Variants in ANXA8 observed in about 807,000 individuals in gnomAD.
ANXA8 encodes the protein annexin A8.
A neutral mutation model predicts 26.8 loss-of-function variants in ANXA8; 9 were observed. That is an observed-to-expected ratio of 0.34 (90% CI 0.20 to 0.59). ANXA8 has a LOEUF of 0.59. Ranked by LOEUF, ANXA8 falls within the 20% of genes least tolerant of loss-of-function variation. The pLI is 0.84. For missense variants in ANXA8, 83 were observed against 238.5 expected (o/e 0.35, Z 4.29); for synonymous variants, 39 against 94.8 (o/e 0.41, Z 3.42).
At chr10:47,771,926 GTAAATCTGAC>G in the ANXA8 span, among the ~76,000 whole-genome samples, 3 of 151,330 alleles carry the variant, frequency 2.0e-5, no homozygotes, top group East Asian at 1.9e-4. Context: ...ACAATTTACA[GTAAATCTGAC>G]TAAATCTGAC....
At chr10:47,714,684 C>T in the ANXA8 span, among the ~76,000 whole-genome samples, 1 of 16,696 alleles carries the variant, frequency 6.0e-5, no homozygotes, top group African/African-American at 2.8e-4. Context: ...GGAGACCATC[C>T]TGGCTAACAC....
chr10:47,768,904 C>A, the ANXA8 span, among the ~76,000 whole-genome samples: 2 of 149,088 alleles, frequency 1.3e-5, no homozygotes, highest in Non-Finnish European at 3.0e-5. Context: ...ACTGGTAGTG[C>A]GAGTGTGGCT....
chr10:47,521,988 T>C, the ANXA8 span, among the ~76,000 whole-genome samples: 3 of 151,006 alleles, frequency 2.0e-5, no homozygotes, highest in Admixed American at 6.6e-5. Context: ...CGTTTCACCA[T>C]GTTGGCCAGG....
At position 47,468,787 on chromosome 10, in the gene ANXA8, G is replaced by A. The variant is rs1839191948; in HGVS notation, c.*60C>T. The A allele has an allele frequency of 2.5e-6, 4 of 1,597,544 alleles. No homozygotes were observed. Among genetic ancestry groups the A allele is most frequent in the East Asian group, 2.3e-5 (1 of 43,714 alleles). On this transcript the variant is annotated 3_prime_UTR_variant, in exon 12 of 12. Transcript: ENST00000585281. The stretch of plus-strand genomic sequence containing the variant: ...CACCCAACCTGCGTCCATGGCCGAG[G>A]TTGAGTGAGGAGTCCTGGAGACTCT...
At chr10:47,730,961 G>T in the ANXA8 span, among the ~76,000 whole-genome samples, 3 of 149,776 alleles carry the variant, frequency 2.0e-5, no homozygotes, top group African/African-American at 7.4e-5. Context: ...TGAAGGAAAT[G>T]AGATCATGTT....
At chr10:47,574,078 G>A in the ANXA8 span, among the ~76,000 whole-genome samples, 3 of 76,084 alleles carry the variant, frequency 3.9e-5, no homozygotes, top group African/African-American at 4.4e-5. Flanking sequence ...ATTATTTTAT[G>A]GGGGGACATA....
the ANXA8 span, among the ~76,000 whole-genome samples, chr10:47,660,134 A>C: frequency 6.8e-6 from 1 of 146,928 alleles, no homozygotes; most frequent in Non-Finnish European, 1.5e-5. Flanking sequence ...TATGAGGCTA[A>C]AGTGAGTAAT....
chr10:47,674,681 T>A, the ANXA8 span, among the ~76,000 whole-genome samples: 2 of 151,840 alleles, frequency 1.3e-5, no homozygotes, highest in Non-Finnish European at 2.9e-5. Context: ...TTATTTAGAT[T>A]TCTTCTGCAT....
the ANXA8 span, chr10:47,590,430 G>C: frequency 4.1e-5 from 6 of 146,892 alleles, no homozygotes; most frequent in Non-Finnish European, 8.8e-5. Flanking sequence ...TTTAGCCCAT[G>C]AGTGGTCCCT....
At chr10:47,548,287 G>A in the ANXA8 span, among the ~76,000 whole-genome samples, 1 of 146,492 alleles carries the variant, frequency 6.8e-6, no homozygotes, top group Admixed American at 6.8e-5. Context: ...AATCAATATG[G>A]CTTATTTTTT....
At chr10:47,733,259 CTTTCTTTCTT>C in the ANXA8 span, among the ~76,000 whole-genome samples, 1 of 99,396 alleles carries the variant, frequency 1.0e-5, no homozygotes, top group African/African-American at 4.0e-5. Flanking sequence ...TTCTTTCTTT[CTTTCTTTCTT>C]TCTTTCTTTC....
At chr10:47,639,769 A>G in the ANXA8 span, among the ~76,000 whole-genome samples, 5 of 148,162 alleles carry the variant, frequency 3.4e-5, no homozygotes, top group East Asian at 6.1e-4. Flanking sequence ...TGAATTGGAT[A>G]ATAAGTCCTT....
At chr10:47,687,358 G>A in the ANXA8 span, among the ~76,000 whole-genome samples, 7 of 151,092 alleles carry the variant, frequency 4.6e-5, 1 homozygote, top group Non-Finnish European at 1.0e-4. Context: ...GCAACCTCCT[G>A]GGTTCAAGCG....
At chr10:47,733,219 T>TCTC in the ANXA8 span, among the ~76,000 whole-genome samples, 3 of 68,104 alleles carry the variant, frequency 4.4e-5, no homozygotes, top group Admixed American at 5.0e-4. Flanking sequence ...CTTTCTTTCT[T>TCTC]TCTCTTTCTT....
At chr10:47,702,834 A>G in the ANXA8 span, among the ~76,000 whole-genome samples, 1 of 150,600 alleles carries the variant, frequency 6.6e-6, no homozygotes, top group Non-Finnish European at 1.5e-5. Flanking sequence ...GGATTTCACC[A>G]TGTTGCTCTG....
chr10:47,948,056 A>G, the ANXA8 span, among the ~76,000 whole-genome samples: 1 of 150,334 alleles, frequency 6.7e-6, no homozygotes, highest in Admixed American at 6.6e-5. Flanking sequence ...AGGAGTAAAG[A>G]AGCCCTAAAT....
the ANXA8 span, among the ~76,000 whole-genome samples, chr10:47,982,814 A>ATATATATATATATATG: frequency 6.3e-3 from 379 of 60,010 alleles, 6 homozygotes; most frequent in African/African-American, 0.022. Context: ...ATATATATAT[A>ATATATATATATATATG]TATATATATA....
At chr10:47,755,193 A>C in the ANXA8 span, among the ~76,000 whole-genome samples, 3 of 150,938 alleles carry the variant, frequency 2.0e-5, no homozygotes, top group African/African-American at 7.4e-5. Flanking sequence ...TTGATGTCGT[A>C]ATCCACCCCT....
At chr10:47,975,806 T>G in the ANXA8 span, among the ~76,000 whole-genome samples, 7 of 142,300 alleles carry the variant, frequency 4.9e-5, no homozygotes, top group Non-Finnish European at 9.5e-5. Flanking sequence ...ACAGGCCCTG[T>G]TTTAAATTGC....
Sources: allele counts gnomAD v4.1 joint callset (sites outside exome capture counted in the v4.1 genomes callset), GRCh38; gene constraint gnomAD v4.1.1; transcripts MANE v1.5; gene names NCBI Gene and HGNC (gene_info 2026-07-23, HGNC 2026-07-21).